DAB1: variants seen among roughly 807,000 people sequenced by gnomAD.
DAB1 encodes disabled homolog 1.
DAB1 carries 15 observed loss-of-function variants against 64.6 expected under a neutral mutation model. The observed-to-expected ratio is 0.23, with a 90% confidence interval of 0.16 to 0.36. The LOEUF (loss-of-function observed/expected upper bound fraction) is 0.36. Among genes scored for constraint, DAB1 ranks in the 10% least tolerant of loss-of-function variants. The probability of loss-of-function intolerance (pLI) is 1.00; values close to 1 mark genes in which losing one functional copy is unlikely to be tolerated. For missense variants in DAB1, 596 were observed against 706.7 expected (o/e 0.84, Z 1.78); for synonymous variants, 235 against 251.9 (o/e 0.93, Z 0.64).
At chr1:57,499,195 C>T (rs553397541) in intron 7 of DAB1, among the ~76,000 whole-genome samples, 36 of 152,232 alleles carry the variant, frequency 2.4e-4, no homozygotes, top group African/African-American at 6.5e-4. Context: ...AGGATGGTCT[C>T]GATCTCCTGA....
chr1:57,113,456 A>G (rs1183905139), intron 4 of DAB1, among the ~76,000 whole-genome samples: 2 of 152,170 alleles, frequency 1.3e-5, no homozygotes, highest in Non-Finnish European at 2.9e-5. Flanking sequence ...TTTTTCTGCA[A>G]AGGACCAGAC....
At chr1:58,526,598 T>C (rs1050035607) in intron 2 of DAB1, among the ~76,000 whole-genome samples, 4 of 65,306 alleles carry the variant, frequency 6.1e-5, no homozygotes, top group Non-Finnish European at 1.3e-4. Context: ...TCTCTATGGC[T>C]AGCAAAAAAA....
At chr1:57,948,363 C>T (rs1052416209) in intron 5 of DAB1, among the ~76,000 whole-genome samples, 1 of 152,150 alleles carries the variant, frequency 6.6e-6, no homozygotes, top group Admixed American at 6.5e-5. Context: ...TTATGATTTT[C>T]CAAACTTTAA....
chr1:57,102,286 T>A (rs973144449), intron 4 of DAB1, among the ~76,000 whole-genome samples: 5 of 152,190 alleles, frequency 3.3e-5, no homozygotes, highest in African/African-American at 1.2e-4. Flanking sequence ...GAGAACCCAA[T>A]CTATATTCTT....
chr1:57,376,160 C>T (rs988726454), intron 1 of DAB1, among the ~76,000 whole-genome samples: 2 of 152,184 alleles, frequency 1.3e-5, no homozygotes, highest in African/African-American at 2.4e-5. Context: ...TTACATTTTT[C>T]CCAAAATCAA....
intron 6 of DAB1, among the ~76,000 whole-genome samples, chr1:57,663,374 A>G (rs1646409819): frequency 6.6e-6 from 1 of 152,184 alleles, no homozygotes; most frequent in Non-Finnish European, 1.5e-5. Context: ...CCCAAACCAC[A>G]TCAGGTGGGT....
chr1:57,084,377 A>C (rs922154901), intron 4 of DAB1, among the ~76,000 whole-genome samples: 1 of 152,156 alleles, frequency 6.6e-6, no homozygotes, highest in African/African-American at 2.4e-5. Flanking sequence ...AGCCCTCAGA[A>C]AGAACAATCC....
At chr1:57,415,401 G>A (rs1684421157) in intron 1 of DAB1, among the ~76,000 whole-genome samples, 1 of 151,918 alleles carries the variant, frequency 6.6e-6, no homozygotes. Context: ...GAAAAAAAAG[G>A]CTTTCTGAAA....
At chr1:57,302,822 T>G (rs968320671) in intron 1 of DAB1, among the ~76,000 whole-genome samples, 2 of 152,196 alleles carry the variant, frequency 1.3e-5, no homozygotes, top group South Asian at 2.1e-4. Flanking sequence ...CAGCCAAGTT[T>G]GGCAAACACA....
At position 57,324,956 on chromosome 1, in the gene DAB1, G is replaced by A. The variant is rs141595225; in HGVS notation, c.-136-33790C>T. 5.3e-3 allele frequency among the ~76,000 whole-genome samples: 815 copies of A among 152,340 alleles called. 10 individuals are homozygous for A. Among genetic ancestry groups the A allele is most frequent in the African/African-American group, 0.018 (748 of 41,576 alleles). ...CTGAGAACTGCTCAAGAGCCAGGGT[G>A]GATGCTTTATCCTGTTTGTACCTTT... On this transcript the variant is annotated intron_variant, in intron 1 of 14. Transcript: ENST00000371236.
intron 7 of DAB1, among the ~76,000 whole-genome samples, chr1:57,567,058 C>T (rs1645131684): frequency 6.6e-6 from 1 of 152,172 alleles, no homozygotes; most frequent in Non-Finnish European, 1.5e-5. Context: ...TCCAGCAACA[C>T]ATCAAAAAGC....
intron 4 of DAB1, among the ~76,000 whole-genome samples, chr1:57,078,361 C>A (rs1404500961): frequency 1.3e-5 from 2 of 152,266 alleles, no homozygotes; most frequent in Middle Eastern, 3.4e-3. Flanking sequence ...AGATGTGTAG[C>A]TTTGCACACA....
intron 2 of DAB1, among the ~76,000 whole-genome samples, chr1:57,261,030 G>A (rs1351928929): frequency 1.3e-5 from 2 of 152,152 alleles, no homozygotes; most frequent in Non-Finnish European, 2.9e-5. Flanking sequence ...GATTAAATGA[G>A]TCACTATGTA....
At chr1:57,704,706 C>A (rs1183107530) in intron 6 of DAB1, among the ~76,000 whole-genome samples, 1 of 152,056 alleles carries the variant, frequency 6.6e-6, no homozygotes, top group Non-Finnish European at 1.5e-5. Context: ...CCTGTGTTGA[C>A]CAATATGTAA....
At position 58,512,934 on chromosome 1, in the gene DAB1, C is replaced by T. The variant is rs146323986; in HGVS notation, n.108-6725G>A. On this transcript the variant is annotated intron_variant and non_coding_transcript_variant, in intron 2 of 20. Transcript: ENST00000485760. ...AAAAGAGAAAAAAAGTAACGATAGA[C>T]CAAAATAAAGGCATTTTTAAAATAA... 1.0e-3 allele frequency among the ~76,000 whole-genome samples: 155 copies of T among 152,178 alleles called. 4 individuals are homozygous for T. The East Asian group carries it at 0.029, about 28-fold the overall frequency.
intron 3 of DAB1, among the ~76,000 whole-genome samples, chr1:58,397,758 C>T (rs1008411939): frequency 3.9e-5 from 6 of 152,186 alleles, no homozygotes; most frequent in South Asian, 4.1e-4. Context: ...CCCACCACCC[C>T]GCATCAAAGT....
intron 1 of DAB1, among the ~76,000 whole-genome samples, chr1:57,423,589 C>T (rs534496311): frequency 8.6e-5 from 13 of 151,814 alleles, no homozygotes; most frequent in African/African-American, 3.1e-4. Context: ...GGAAAGAGGG[C>T]GCAGGGGGTC....
intron 5 of DAB1, among the ~76,000 whole-genome samples, chr1:57,071,948 C>G (rs1452249419): frequency 1.3e-5 from 2 of 151,254 alleles, no homozygotes; most frequent in African/African-American, 2.4e-5. Context: ...TATTTGTTTT[C>G]TCTTATTTTC....
intron 7 of DAB1, among the ~76,000 whole-genome samples, chr1:57,532,034 A>C (rs944732111): frequency 1.3e-5 from 2 of 152,174 alleles, no homozygotes; most frequent in African/African-American, 4.8e-5. Flanking sequence ...GTGTTGTTTC[A>C]TATAATTTAA....
Sources: allele counts gnomAD v4.1 joint callset (sites outside exome capture counted in the v4.1 genomes callset), GRCh38; gene constraint gnomAD v4.1.1; transcripts MANE v1.5; gene names NCBI Gene and HGNC (gene_info 2026-07-23, HGNC 2026-07-21).